Variants in GMEB1 observed in about 807,000 individuals in gnomAD.
GMEB1 encodes the protein glucocorticoid modulatory element-binding protein 1.
A neutral mutation model predicts 52.4 loss-of-function variants in GMEB1; 6 were observed. That is an observed-to-expected ratio of 0.11 (90% CI 0.06 to 0.23). The LOEUF (loss-of-function observed/expected upper bound fraction) is 0.23, where lower values mean the gene tolerates loss of function less well. Ranked by LOEUF, GMEB1 falls within the 10% of genes least tolerant of loss-of-function variation. The pLI, the probability that GMEB1 is intolerant of heterozygous loss-of-function variation, is 1.00. For missense variants in GMEB1, 486 were observed against 685.6 expected, an observed-to-expected ratio of 0.71 and a Z score of 3.25; for synonymous variants, 255 against 244.9, an observed-to-expected ratio of 1.04 and a Z score of -0.38.
intron 1 of GMEB1, among the ~76,000 whole-genome samples, chr1:28,672,680 T>G (rs1349056713): frequency 1.3e-5 from 2 of 151,900 alleles, no homozygotes; most frequent in East Asian, 3.9e-4. Flanking sequence ...TCATTTATAT[T>G]AGGTATATCT....
At chr1:28,687,332 TCTCACACACA>T (rs1557503966) in intron 2 of GMEB1, among the ~76,000 whole-genome samples, 2 of 95,710 alleles carry the variant, frequency 2.1e-5, no homozygotes, top group Non-Finnish European at 3.8e-5. Flanking sequence ...TGAGACCCTA[TCTCACACACA>T]CACACACACA....
At chr1:28,678,214 G>A (rs1367346934) in intron 1 of GMEB1, among the ~76,000 whole-genome samples, 1 of 151,864 alleles carries the variant, frequency 6.6e-6, no homozygotes, top group East Asian at 1.9e-4. Context: ...GAAAGGAGAA[G>A]AAAGGAAGAA....
intron 1 of GMEB1, among the ~76,000 whole-genome samples, chr1:28,674,036 A>C (rs1470940582): frequency 4.0e-5 from 6 of 151,698 alleles, no homozygotes; most frequent in Admixed American, 4.0e-4. Flanking sequence ...AATCCCAGCT[A>C]CTCGGGAGGC....
At chr1:28,697,832 G>A (rs764568835) in intron 6 of GMEB1, among the ~76,000 whole-genome samples, 18 of 151,518 alleles carry the variant, frequency 1.2e-4, no homozygotes, top group Admixed American at 5.9e-4. Context: ...GAGGCTGAGG[G>A]AGGCAGATCA....
chr1:28,700,374 C>T (rs1025453951), intron 6 of GMEB1, among the ~76,000 whole-genome samples: 7 of 151,580 alleles, frequency 4.6e-5, no homozygotes, highest in African/African-American at 1.2e-4. Flanking sequence ...ATTAGCTGGG[C>T]GTGGTGGTGA....
At chr1:28,706,068 G>A (rs61786047) in intron 8 of GMEB1, among the ~76,000 whole-genome samples, 12,783 of 151,808 alleles carry the variant, frequency 0.084, 757 homozygotes, top group Non-Finnish European at 0.12. Flanking sequence ...GCAGGAGAAT[G>A]GCATGAACCC....
chr1:28,710,779 A>AAT, intron 9 of GMEB1, 137 bp downstream of exon 9: 1 of 501,772 alleles, frequency 2.0e-6, no homozygotes, highest in Non-Finnish European at 3.2e-6. Context: ...TAAAAAAAAA[A>AAT]GCCGCAGATG....
intron 2 of GMEB1, among the ~76,000 whole-genome samples, chr1:28,684,501 T>C (rs193272794): frequency 6.8e-6 from 1 of 147,952 alleles, no homozygotes; most frequent in Non-Finnish European, 1.5e-5. Flanking sequence ...AGGCGGAGCT[T>C]GTAGTGAGCC....
At chr1:28,669,480 C>G (rs1229625198) in intron 1 of GMEB1, among the ~76,000 whole-genome samples, 2 of 152,072 alleles carry the variant, frequency 1.3e-5, no homozygotes, top group African/African-American at 4.8e-5. Context: ...AGAGCAGAGT[C>G]CAGCTTATCC....
chr1:28,685,796 TA>T (rs1304788265), intron 2 of GMEB1, among the ~76,000 whole-genome samples: 1 of 151,770 alleles, frequency 6.6e-6, no homozygotes, highest in Non-Finnish European at 1.5e-5. Flanking sequence ...CTGTCTCTAC[TA>T]AAAATACAAA....
At chr1:28,675,400 C>T (rs980475912) in intron 1 of GMEB1, among the ~76,000 whole-genome samples, 8 of 147,194 alleles carry the variant, frequency 5.4e-5, no homozygotes, top group African/African-American at 7.3e-5. Flanking sequence ...AGAGAGAGAT[C>T]GGCCGGGGTG....
intron 3 of GMEB1, among the ~76,000 whole-genome samples, chr1:28,690,719 G>A (rs569212873): frequency 2.6e-5 from 4 of 152,130 alleles, no homozygotes; most frequent in East Asian, 1.9e-4. Context: ...AGTGGCTCAC[G>A]CCTGTAATCC....
At chr1:28,686,426 C>T (rs573875953) in intron 2 of GMEB1, among the ~76,000 whole-genome samples, 3 of 151,872 alleles carry the variant, frequency 2.0e-5, no homozygotes, top group Admixed American at 6.6e-5. Flanking sequence ...ATCAGGAGTT[C>T]GAGACCAGCC....
intron 5 of GMEB1, among the ~76,000 whole-genome samples, chr1:28,695,338 T>C (rs915057793): frequency 6.6e-5 from 10 of 152,020 alleles, no homozygotes; most frequent in Admixed American, 3.3e-4. Context: ...ATTCAAGCAA[T>C]TCTCCTGCCT....
At chr1:28,709,501 C>G (rs557407847) in intron 8 of GMEB1, among the ~76,000 whole-genome samples, 3 of 151,750 alleles carry the variant, frequency 2.0e-5, no homozygotes, top group African/African-American at 4.8e-5. Context: ...CTGAGATGAA[C>G]GTTAACTCTA....
intron 1 of GMEB1, among the ~76,000 whole-genome samples, chr1:28,676,268 T>C (rs537822955): frequency 3.9e-5 from 6 of 152,296 alleles, no homozygotes; most frequent in African/African-American, 1.4e-4. Context: ...TAACCCATTT[T>C]TTTTGCCTAA....
chr1:28,694,961 CTTTTTT>C (rs556692778), intron 5 of GMEB1, among the ~76,000 whole-genome samples: 1 of 105,492 alleles, frequency 9.5e-6, no homozygotes, highest in African/African-American at 3.9e-5. Context: ...CGTGGCCAGC[CTTTTTT>C]TTTTTTTTTT....
intron 2 of GMEB1, among the ~76,000 whole-genome samples, chr1:28,684,337 G>C (rs968627853): frequency 1.3e-5 from 2 of 152,012 alleles, no homozygotes; most frequent in African/African-American, 4.8e-5. Context: ...GCCGAGGCGC[G>C]TGGATCATGA....
chr1:28,712,827 C>A (rs1275736133), intron 9 of GMEB1, among the ~76,000 whole-genome samples: 2 of 148,906 alleles, frequency 1.3e-5, no homozygotes, highest in Non-Finnish European at 1.5e-5. Flanking sequence ...TAGAGCGAGA[C>A]TCTGTCTCAA....
Sources: gnomAD v4.1 joint callset for allele counts (sites outside exome capture counted in the v4.1 genomes callset) on GRCh38, gnomAD v4.1.1 for gene constraint, MANE v1.5 for transcripts, NCBI Gene and HGNC (gene_info 2026-07-23, HGNC 2026-07-21) for gene names.